NAALADL2: variants seen among roughly 807,000 people sequenced by gnomAD.
NAALADL2 encodes the protein N-acetylated alpha-linked acidic dipeptidase like 2.
In NAALADL2, 76 loss-of-function variants were observed where a neutral mutation model predicts 87.2. The ratio of observed to expected loss-of-function variants is 0.87; its 90% confidence interval spans 0.72 to 1.05. The LOEUF is 1.05. Among genes scored for constraint, NAALADL2 ranks in the 50% least tolerant of loss-of-function variants. The pLI is 0.00. For missense variants in NAALADL2, 1,089 were observed against 945.8 expected, an observed-to-expected ratio of 1.15 and a Z score of -1.99; for synonymous variants, 354 against 331.0, an observed-to-expected ratio of 1.07 and a Z score of -0.75.
intron 2 of NAALADL2, among the ~76,000 whole-genome samples, chr3:175,220,037 T>G (rs1017045391): frequency 8.6e-5 from 13 of 151,752 alleles, no homozygotes; most frequent in African/African-American, 3.1e-4. Flanking sequence ...TCAGAATGTT[T>G]GATTTTTGAA....
chr3:175,646,932 C>T (rs1730092427), intron 11 of NAALADL2, among the ~76,000 whole-genome samples: 1 of 152,040 alleles, frequency 6.6e-6, no homozygotes, highest in South Asian at 2.1e-4. Context: ...TCAAAAGTCT[C>T]AATAACTTAC....
At chr3:175,178,955 T>C (rs1168257179) in intron 2 of NAALADL2, among the ~76,000 whole-genome samples, 1 of 152,006 alleles carries the variant, frequency 6.6e-6, no homozygotes, top group African/African-American at 2.4e-5. Context: ...CTTGATTAAG[T>C]GATTGAAAAG....
intron 1 of NAALADL2, among the ~76,000 whole-genome samples, chr3:175,058,091 T>G (rs1269966104): frequency 1.3e-5 from 2 of 152,214 alleles, no homozygotes; most frequent in African/African-American, 4.8e-5. Context: ...TTTTTTTCAA[T>G]GACAATTTGG....
At chr3:175,514,321 T>C (rs1193048551) in intron 9 of NAALADL2, among the ~76,000 whole-genome samples, 1 of 151,896 alleles carries the variant, frequency 6.6e-6, no homozygotes, top group African/African-American at 2.4e-5. Context: ...TTGGAAAATG[T>C]ATAGGTTTAT....
At chr3:174,954,560 T>G (rs1191733869) in intron 1 of NAALADL2, among the ~76,000 whole-genome samples, 1 of 151,934 alleles carries the variant, frequency 6.6e-6, no homozygotes, top group Non-Finnish European at 1.5e-5. Context: ...GATAAAAGAG[T>G]ATATTGTATG....
At chr3:175,015,535 G>T (rs1279574130) in intron 1 of NAALADL2, among the ~76,000 whole-genome samples, 2 of 151,970 alleles carry the variant, frequency 1.3e-5, no homozygotes, top group Non-Finnish European at 2.9e-5. Flanking sequence ...CACTTGTGCT[G>T]GTATCAATTC....
chr3:174,956,439 C>T (rs1295525130), intron 1 of NAALADL2, among the ~76,000 whole-genome samples: 1 of 152,062 alleles, frequency 6.6e-6, no homozygotes, highest in Non-Finnish European at 1.5e-5. Flanking sequence ...CTTCTTTCAT[C>T]GTTGGACATG....
chr3:175,221,130 C>G (rs1743296839), intron 2 of NAALADL2, among the ~76,000 whole-genome samples: 2 of 148,302 alleles, frequency 1.3e-5, no homozygotes, highest in South Asian at 4.2e-4. Flanking sequence ...ACCCAGGAGG[C>G]AGAGGTTGCA....
intron 9 of NAALADL2, among the ~76,000 whole-genome samples, chr3:175,501,772 GA>G (rs1729583768): frequency 3.3e-5 from 5 of 152,250 alleles, no homozygotes; most frequent in African/African-American, 1.2e-4. Flanking sequence ...TTGAAATTAT[GA>G]AACTTGAATT....
intron 1 of NAALADL2, among the ~76,000 whole-genome samples, chr3:175,005,132 C>T (rs375313342): frequency 3.3e-5 from 5 of 152,170 alleles, no homozygotes; most frequent in East Asian, 1.9e-4. Flanking sequence ...ACTATATGCC[C>T]GGCATTGTTC....
chr3:175,223,094 CTGTGTGTGTG>C (rs71626203), intron 2 of NAALADL2, among the ~76,000 whole-genome samples: 88 of 147,344 alleles, frequency 6.0e-4, no homozygotes, highest in East Asian at 1.2e-3. Context: ...CATAGTTACT[CTGTGTGTGTG>C]TGTGTGTGTG....
intron 9 of NAALADL2, among the ~76,000 whole-genome samples, chr3:175,517,001 T>C (rs922190977): frequency 2.6e-5 from 4 of 152,244 alleles, no homozygotes; most frequent in Admixed American, 6.5e-5. Context: ...TATTTGTCTT[T>C]CTAAAATTCT....
chr3:174,605,736 AGGG>A (rs1011623670), intron 2 of NAALADL2, among the ~76,000 whole-genome samples: 2 of 152,096 alleles, frequency 1.3e-5, no homozygotes, highest in Non-Finnish European at 2.9e-5. Context: ...CTCTGGGGGC[AGGG>A]CACAGACAAA....
rs200620867 is a variant in NAALADL2, at chr3:175,700,960, TAATGAAATGGTACTATGGAGATA to T, written c.1897-36331_1897-36309del. Among the ~76,000 whole-genome samples the T allele has an allele frequency of 1.8e-4, 28 of 152,206 alleles. No individual in the cohort carries two copies. The East Asian group carries it at 3.3e-3, about 18-fold the overall frequency. On this transcript the variant is annotated intron_variant, in intron 11 of 13. Coordinates refer to ENST00000454872, the MANE Select transcript of NAALADL2 (RefSeq NM_207015.3). ...GATGCTCTAGGCTGGGGAATATTGG[TAATGAAATGGTACTATGGAGATA>T]AATGAAATGGTACTGTGGAGATAAA...
intron 11 of NAALADL2, chr3:175,718,644 C>A: frequency 6.3e-7 from 1 of 1,586,728 alleles, no homozygotes; most frequent in Non-Finnish European, 8.6e-7. Context: ...GGGACTTTTA[C>A]TCCCGAGCCC....
intron 9 of NAALADL2, among the ~76,000 whole-genome samples, chr3:175,543,530 T>C (rs568133855): frequency 6.6e-6 from 1 of 152,176 alleles, no homozygotes; most frequent in South Asian, 2.1e-4. Flanking sequence ...TGGGGAGGCC[T>C]GACAATTATG....
At chr3:175,652,230 A>G (rs1730855956) in intron 11 of NAALADL2, among the ~76,000 whole-genome samples, 1 of 152,158 alleles carries the variant, frequency 6.6e-6, no homozygotes, top group Non-Finnish European at 1.5e-5. Flanking sequence ...TCCCCTTTTC[A>G]GACATCAACA....
intron 1 of NAALADL2, among the ~76,000 whole-genome samples, chr3:174,489,875 C>T (rs2108347597): frequency 6.6e-6 from 1 of 151,920 alleles, no homozygotes; most frequent in South Asian, 2.1e-4. Context: ...TATATGTAAC[C>T]CTTATAAGTA....
chr3:174,784,760 A>G (rs1014747093), intron 3 of NAALADL2, among the ~76,000 whole-genome samples: 3 of 152,206 alleles, frequency 2.0e-5, no homozygotes, highest in African/African-American at 7.2e-5. Flanking sequence ...TCCCTATTCA[A>G]CTGGTGAATA....
Sources: allele counts gnomAD v4.1 joint callset (sites outside exome capture counted in the v4.1 genomes callset), GRCh38; gene constraint gnomAD v4.1.1; transcripts MANE v1.5; gene names NCBI Gene and HGNC (gene_info 2026-07-23, HGNC 2026-07-21).